Variants in ZNF346 observed in about 807,000 individuals in gnomAD.
ZNF346 encodes the protein zinc finger protein 346.
Under a neutral mutation model 33.7 loss-of-function variants are expected in ZNF346, and 23 were observed. The ratio of observed to expected loss-of-function variants is 0.68; its 90% confidence interval spans 0.49 to 0.97. The LOEUF is 0.97. Ranked by LOEUF, ZNF346 falls within the 50% of genes least tolerant of loss-of-function variation. ZNF346 has a pLI of 0.00. For synonymous variants in ZNF346, 134 were observed against 142.4 expected (o/e 0.94, Z 0.42); for missense variants, 340 against 371.1 (o/e 0.92, Z 0.69).
At chr5:177,028,779 G>C (rs1777259261) in intron 1 of ZNF346, among the ~76,000 whole-genome samples, 2 of 138,576 alleles carry the variant, frequency 1.4e-5, no homozygotes, top group Non-Finnish European at 3.0e-5. Context: ...GAGTGCAGTG[G>C]TGCGATCTCG....
chr5:177,074,901 C>T (rs1429492161), intron 8 of ZNF346, among the ~76,000 whole-genome samples: 1 of 151,108 alleles, frequency 6.6e-6, no homozygotes, highest in Non-Finnish European at 1.5e-5. Context: ...CCCGTCTCTA[C>T]TAAAAATACA....
chr5:177,048,985 CATGT>C (rs1780493209), intron 4 of ZNF346, among the ~76,000 whole-genome samples: 1 of 151,818 alleles, frequency 6.6e-6, no homozygotes, highest in Non-Finnish European at 1.5e-5. Flanking sequence ...TGAGTTTCAC[CATGT>C]TGGCCAGGCT....
In ZNF346 at chr5:177,022,867, C is replaced by T; in HGVS notation, c.129C>T (p.Arg43=). 1.3e-6 allele frequency: 2 copies of T among 1,524,680 alleles called. No homozygotes were observed. Among genetic ancestry groups the T allele is most frequent in the South Asian group, 2.5e-5 (2 of 80,868 alleles). 94.4% of individuals were successfully genotyped at this position (1,524,680 alleles called of 1,614,324 possible). The change falls in exon 1 of 7, where the codon CGC becomes CGT. Residue 43 remains arginine (R), a synonymous_variant. Transcript: ENST00000358149. The stretch of plus-strand genomic sequence containing the variant: ...GCTTTGACCGCGAGAGGGCGCGCCG[C>T]CTGTGGGAAGCCGTGTCCGGTGCCC... ...GVRFDRERAR[R]LWEAVSGAQP...
Position 177,041,192 on chromosome 5 carries a change from T to C in ZNF346, c.242T>C (p.Leu81Ser), listed in dbSNP as rs1245110348. ...ACCCAGTGTAAGGTTTGCTGCGCCTTGCTTATTTCTGAGTCCCAGAAGCTG... is the reference window on the plus strand; with the variant it reads ...ACCCAGTGTAAGGTTTGCTGCGCCTCGCTTATTTCTGAGTCCCAGAAGCTG... ...TNTQCKVCCA[L>S]LISESQKLAH... is the part of the protein sequence containing the mutation. Residue 81 changes from leucine (L) to serine (S), a missense_variant, in exon 2 of 7, where the codon TTG becomes TCG. Transcript: ENST00000358149. 1.2e-6 allele frequency: 2 copies of C among 1,614,252 alleles called. No homozygotes were observed. The highest frequency in any genetic ancestry group is 2.7e-5 in the African/African-American group (2 of 75,068).
At chr5:177,071,424 C>T (rs577192285), downstream of ZNF346, among the ~76,000 whole-genome samples, 94 of 151,650 alleles carry the variant, frequency 6.2e-4, 1 homozygote, top group African/African-American at 2.1e-3. Context: ...CGGTGGCTCA[C>T]GCCTGTAATC....
At chr5:177,061,091 G>T (rs1240503442) in intron 5 of ZNF346, among the ~76,000 whole-genome samples, 1 of 113,168 alleles carries the variant, frequency 8.8e-6, no homozygotes, top group Admixed American at 8.0e-5. Context: ...CAGCCTGGAC[G>T]ACAGAGCAAG....
rs576931270 is a variant in ZNF346, at chr5:177,064,855, G to A, written c.*256G>A. 2 of 478,444 alleles carry A rather than the reference G, an allele frequency of 4.2e-6. No individual in the cohort carries two copies. The highest frequency in any genetic ancestry group is 3.0e-5 in the South Asian group (1 of 33,116). 29.6% of individuals were successfully genotyped at this position (478,444 alleles called of 1,614,324 possible). A position where few individuals can be genotyped will look rare whatever the true frequency, so the allele number is the denominator to read the frequency against. On this transcript the variant is annotated 3_prime_UTR_variant, in exon 7 of 7. Coordinates refer to ENST00000358149, the MANE Select transcript of ZNF346 (RefSeq NM_012279.4). ...CGGGGTCTCGCGGGGTGGTAGTTTG[G>A]AGGGTGGCTTTCCCCATTTCCCAAC...
At chr5:177,060,237 G>T (rs1241998515) in intron 5 of ZNF346, among the ~76,000 whole-genome samples, 1 of 152,188 alleles carries the variant, frequency 6.6e-6, no homozygotes, top group African/African-American at 2.4e-5. Context: ...AATTACCCAG[G>T]TGTGGCCAGG....
chr5:177,025,919 T>G (rs1776695964), intron 1 of ZNF346, among the ~76,000 whole-genome samples: 1 of 152,186 alleles, frequency 6.6e-6, no homozygotes, highest in African/African-American at 2.4e-5. Flanking sequence ...TGTGCTTTAG[T>G]GTCATATCTA....
chr5:177,043,814 C>T (rs1779685326), intron 3 of ZNF346, among the ~76,000 whole-genome samples: 1 of 151,870 alleles, frequency 6.6e-6, no homozygotes, highest in South Asian at 2.1e-4. Context: ...TGAGCATCTA[C>T]TGTGTGCCAG....
At chr5:177,037,418 T>G (rs1778656037) in intron 1 of ZNF346, among the ~76,000 whole-genome samples, 1 of 152,168 alleles carries the variant, frequency 6.6e-6, no homozygotes, top group African/African-American at 2.4e-5. Context: ...CCAACTCATC[T>G]CCACCTATAT....
chr5:177,047,288 ATGATCTTACCGTATGGTATGTACAAT>A (rs1780192061), intron 4 of ZNF346, among the ~76,000 whole-genome samples: 1 of 151,020 alleles, frequency 6.6e-6, no homozygotes, highest in Non-Finnish European at 1.5e-5. Flanking sequence ...GCCTCAAACA[ATGATCTTACCGTATGGTATGTACAAT>A]TGCCTTTTTT....
intron 1 of ZNF346, among the ~76,000 whole-genome samples, chr5:177,032,376 T>C (rs1777856267): frequency 1.3e-5 from 2 of 152,062 alleles, no homozygotes; most frequent in South Asian, 4.2e-4. Flanking sequence ...TGGCGCAGTC[T>C]TGGCATGCTG....
intron 1 of ZNF346, among the ~76,000 whole-genome samples, chr5:177,038,269 G>T (rs34933909): frequency 0.48 from 58,176 of 121,444 alleles, 12,549 homozygotes; most frequent in African/African-American, 0.58. Flanking sequence ...TTTTTTTTTT[G>T]TGTGTGTGTG....
At chr5:177,029,186 A>G (rs868114169) in intron 1 of ZNF346, among the ~76,000 whole-genome samples, 33 of 152,202 alleles carry the variant, frequency 2.2e-4, no homozygotes, top group African/African-American at 7.5e-4. Context: ...AAGGAGCTGA[A>G]GGTTGAATTG....
chr5:177,042,121 G>A (rs1431838970), intron 3 of ZNF346: 1 of 372,578 alleles, frequency 2.7e-6, no homozygotes, highest in Non-Finnish European at 4.9e-6. Context: ...TCAGAGCCTG[G>A]CACATAGTAG....
At chr5:177,070,002 G>T (rs1157012603), downstream of ZNF346, among the ~76,000 whole-genome samples, 1 of 152,168 alleles carries the variant, frequency 6.6e-6, no homozygotes, top group Non-Finnish European at 1.5e-5. Flanking sequence ...TTTCTAGTTT[G>T]GGGGTATCAT....
At chr5:177,023,283 C>T in intron 1 of ZNF346, 1 of 1,330,062 alleles carries the variant, frequency 7.5e-7, no homozygotes, top group Non-Finnish European at 1.0e-6. Flanking sequence ...CCCATCGTCC[C>T]AATCTCCAGA....
rs767285871 is a variant in ZNF346, at chr5:177,062,086, T to C, written c.732T>C (p.Cys244=). 9 of 1,614,104 alleles carry C rather than the reference T, an allele frequency of 5.6e-6. No homozygotes were observed. The South Asian group carries it at 9.9e-5, about 18-fold the overall frequency. Residue 244 remains cysteine (C), a synonymous_variant, in exon 6 of 7, where the codon TGT becomes TGC. Transcript: ENST00000358149. ...PAGKGYPCKT[C]KIVLNSIEQY... ...GAAAGGGCTACCCCTGCAAAACATG[T>C]AAGATAGTGCTGAACTCCATAGAAC...
Sources: gnomAD v4.1 joint callset for allele counts (sites outside exome capture counted in the v4.1 genomes callset) on GRCh38, gnomAD v4.1.1 for gene constraint, MANE v1.5 for transcripts, NCBI Gene and HGNC (gene_info 2026-07-23, HGNC 2026-07-21) for gene names.